The following CPQ variants were observed in gnomAD, a reference collection of about 807,000 sequenced individuals.
CPQ encodes Ser-Met dipeptidase.
In CPQ, 37 loss-of-function variants were observed where a neutral mutation model predicts 45.7. The ratio of observed to expected loss-of-function variants is 0.81; its 90% CI spans 0.62 to 1.07. CPQ has a LOEUF of 1.07. Ranked by LOEUF, CPQ falls within the 50% of genes least tolerant of loss-of-function variation. CPQ has a pLI of 0.00. For synonymous variants in CPQ, 186 were observed against 205.8 expected (o/e 0.90, Z 0.82); for missense variants, 537 against 572.9 (o/e 0.94, Z 0.64).
intron 3 of CPQ, among the ~76,000 whole-genome samples, chr8:96,862,852 C>T (rs1354377134): frequency 2.6e-5 from 4 of 152,052 alleles, no homozygotes; most frequent in Non-Finnish European, 5.9e-5. Context: ...GGCTGGCCCA[C>T]CTTCTTCTTT....
chr8:96,656,767 T>C (rs1175815349), intron 1 of CPQ, among the ~76,000 whole-genome samples: 1 of 152,200 alleles, frequency 6.6e-6, no homozygotes, highest in Non-Finnish European at 1.5e-5. Flanking sequence ...ACAGTGAACT[T>C]GGCTTTGCAA....
chr8:96,734,726 TA>T lies in CPQ; in HGVS notation c.-34-50134del, dbSNP rs1213411835. Among the ~76,000 whole-genome samples the T allele has an allele frequency of 4.1e-3, 620 of 149,804 alleles. 8 individuals are homozygous for T. The highest frequency in any genetic ancestry group is 0.014 in the African/African-American group (567 of 40,748). On this transcript the variant is annotated intron_variant, in intron 1 of 7. Transcript: ENST00000220763. The stretch of plus-strand genomic sequence containing the variant: ...ACTCCATCTCAAAAATAAAATAAAA[TA>T]AAATAAAATAAATAAAATAAAATAA...
rs1275615631 is a variant in CPQ at position 96,991,551 on chromosome 8, GTCATAA to G, written c.961+25507_961+25512del. 1.1e-3 allele frequency among the ~76,000 whole-genome samples: 128 copies of G among 114,640 alleles called. 1 individual carries two copies. Among genetic ancestry groups the G allele is most frequent in the Middle Eastern group, 4.5e-3 (1 of 224 alleles). The allele number at this position is 114,640 out of a possible 152,430, so 75.2% of individuals were successfully genotyped here. On this transcript the variant is annotated intron_variant, in intron 5 of 7. Coordinates refer to ENST00000220763, the MANE Select transcript of CPQ (RefSeq NM_016134.4). ...AGCCTGGGAGACAGAACAAGAGTCTGTCATAATAATAATAATAATAATAATAATAAT... is the reference window on the plus strand; with the variant it reads ...AGCCTGGGAGACAGAACAAGAGTCTGTAATAATAATAATAATAATAATAAT...
At chr8:97,098,492 T>C (rs1238952067) in intron 7 of CPQ, among the ~76,000 whole-genome samples, 4 of 152,176 alleles carry the variant, frequency 2.6e-5, no homozygotes, top group Non-Finnish European at 5.9e-5. Flanking sequence ...CTTACAGGAA[T>C]AGTCTGTGTT....
At chr8:97,116,219 G>A (rs753868625) in intron 7 of CPQ, among the ~76,000 whole-genome samples, 3 of 152,196 alleles carry the variant, frequency 2.0e-5, no homozygotes, top group Non-Finnish European at 4.4e-5. Context: ...GGCCTGGGAG[G>A]TAGTGAAGAG....
Position 96,665,340 on chromosome 8 carries a change from A to C in CPQ, c.-35+19938A>C, listed in dbSNP as rs1808905861. On this transcript the variant is annotated intron_variant, in intron 1 of 7. Coordinates refer to ENST00000220763, the MANE Select transcript of CPQ (RefSeq NM_016134.4). ...ACTAAGTGAGAGAAATAAGGAAGACATGAATGAAAGTGATAAACAATGTGT... is the reference window on the plus strand; with the variant it reads ...ACTAAGTGAGAGAAATAAGGAAGACCTGAATGAAAGTGATAAACAATGTGT... Among the ~76,000 whole-genome samples the C allele has an allele frequency of 6.6e-5, 10 of 152,246 alleles. No individual in the cohort carries two copies. The South Asian group carries it at 2.1e-3, about 32-fold the overall frequency.
intron 5 of CPQ, among the ~76,000 whole-genome samples, chr8:96,974,064 G>T (rs933722469): frequency 1.3e-5 from 2 of 152,054 alleles, no homozygotes; most frequent in Non-Finnish European, 2.9e-5. Flanking sequence ...CCACTTAAAA[G>T]ATAACAGAAT....
chr8:96,784,271 G>A (rs1258525005), intron 1 of CPQ, among the ~76,000 whole-genome samples: 1 of 151,930 alleles, frequency 6.6e-6, no homozygotes, highest in African/African-American at 2.4e-5. Context: ...TTTTGCAGTA[G>A]CTTAGACTTT....
At position 96,699,322 on chromosome 8, in the gene CPQ, C is replaced by T. The variant is rs1195662465; in HGVS notation, c.-35+53920C>T. 5.3e-5 allele frequency among the ~76,000 whole-genome samples: 8 copies of T among 152,126 alleles called. No homozygotes were observed. The South Asian group carries it at 1.0e-3, about 20-fold the overall frequency. Reference sequence around the variant, plus strand: ...GACATAGAGAGTGGGATGAAGGTTACCAGAGGCTGAGAAAGGTAGTAGGGG... The same window carrying T: ...GACATAGAGAGTGGGATGAAGGTTATCAGAGGCTGAGAAAGGTAGTAGGGG... On this transcript the variant is annotated intron_variant, in intron 1 of 7. Coordinates refer to ENST00000220763, the MANE Select transcript of CPQ (RefSeq NM_016134.4).
At chr8:97,004,532 C>A (rs1809346266) in intron 5 of CPQ, among the ~76,000 whole-genome samples, 1 of 151,994 alleles carries the variant, frequency 6.6e-6, no homozygotes, top group Non-Finnish European at 1.5e-5. Flanking sequence ...TACCCTTTGA[C>A]TAATTTTACT....
intron 5 of CPQ, among the ~76,000 whole-genome samples, chr8:96,972,862 G>A (rs767994017): frequency 3.3e-5 from 5 of 152,104 alleles, no homozygotes; most frequent in African/African-American, 9.7e-5. Flanking sequence ...GGAGCATCCC[G>A]TGGGACAAAA....
At chr8:97,102,404 A>C (rs1027461948) in intron 7 of CPQ, among the ~76,000 whole-genome samples, 2 of 152,156 alleles carry the variant, frequency 1.3e-5, no homozygotes, top group African/African-American at 4.8e-5. Flanking sequence ...TGATGGGAAA[A>C]GAATGAGGAC....
At chr8:97,106,001 C>T (rs988302731) in intron 7 of CPQ, among the ~76,000 whole-genome samples, 4 of 152,096 alleles carry the variant, frequency 2.6e-5, no homozygotes, top group Admixed American at 1.3e-4. Context: ...TGGGAGGTCC[C>T]GATACTTTAC....
At chr8:96,952,970 C>T (rs1052347624) in intron 4 of CPQ, among the ~76,000 whole-genome samples, 1 of 152,054 alleles carries the variant, frequency 6.6e-6, no homozygotes, top group Non-Finnish European at 1.5e-5. Flanking sequence ...GTTGTCAATA[C>T]AGCATAGCTC....
chr8:96,997,079 G>T (rs1809191137), intron 5 of CPQ, among the ~76,000 whole-genome samples: 1 of 151,906 alleles, frequency 6.6e-6, no homozygotes, highest in African/African-American at 2.4e-5. Context: ...TGTTTGGAAA[G>T]TCTCTTCAAA....
chr8:97,050,716 G>T (rs1448849329), intron 6 of CPQ, among the ~76,000 whole-genome samples: 1 of 152,076 alleles, frequency 6.6e-6, no homozygotes, highest in Non-Finnish European at 1.5e-5. Flanking sequence ...TAGAAAAATT[G>T]TGCTTAAGTA....
At position 96,918,615 on chromosome 8, in the gene CPQ, T is replaced by C. The variant is rs758801230; in HGVS notation, c.849+38610T>C. 4.5e-4 allele frequency among the ~76,000 whole-genome samples: 68 copies of C among 152,234 alleles called. No individual in the cohort carries two copies. The Middle Eastern group carries it at 0.017, about 38-fold the overall frequency. On this transcript the variant is annotated intron_variant, in intron 4 of 7. Transcript: ENST00000220763. Reference sequence around the variant, plus strand: ...ATAGCTAGGAATAGGGCTGCTGGTGTCTGGGAACTGAATGGGGAAGGAGAC... The same window carrying C: ...ATAGCTAGGAATAGGGCTGCTGGTGCCTGGGAACTGAATGGGGAAGGAGAC...
At chr8:96,987,646 A>C (rs1389984448) in intron 5 of CPQ, among the ~76,000 whole-genome samples, 1 of 152,174 alleles carries the variant, frequency 6.6e-6, no homozygotes, top group Non-Finnish European at 1.5e-5. Context: ...AGCCTTGTTT[A>C]AATATGGAAT....
chr8:97,054,951 A>T (rs1810426547), intron 6 of CPQ, among the ~76,000 whole-genome samples: 2 of 152,172 alleles, frequency 1.3e-5, no homozygotes, highest in Non-Finnish European at 2.9e-5. Flanking sequence ...TATAGAGTTC[A>T]GGGGGGAAGT....
Sources: allele counts gnomAD v4.1 joint callset (sites outside exome capture counted in the v4.1 genomes callset), GRCh38; gene constraint gnomAD v4.1.1; transcripts MANE v1.5; gene names NCBI Gene and HGNC (gene_info 2026-07-23, HGNC 2026-07-21).